Variants in CACNB4 observed in about 807,000 individuals in gnomAD.
CACNB4 encodes calcium voltage-gated channel auxiliary subunit beta 4, also known as voltage-dependent L-type calcium channel subunit beta-4.
In CACNB4, 32 loss-of-function variants were observed where a neutral mutation model predicts 71.2. That is an observed-to-expected ratio of 0.45 (90% CI 0.34 to 0.60). The LOEUF is 0.60. Ranked by LOEUF, CACNB4 falls within the 20% of genes least tolerant of loss-of-function variation. The pLI is 0.01. For synonymous variants in CACNB4, 231 were observed against 236.9 expected (o/e 0.97, Z 0.23); for missense variants, 464 against 647.9 (o/e 0.72, Z 3.08).
chr2:151,918,910 AG>A (rs1401446904), intron 2 of CACNB4, among the ~76,000 whole-genome samples: 1 of 152,238 alleles, frequency 6.6e-6, no homozygotes, highest in Non-Finnish European at 1.5e-5. Flanking sequence ...CCATTTGTAT[AG>A]TACAAATTTG....
intron 2 of CACNB4, among the ~76,000 whole-genome samples, chr2:151,965,472 T>C (rs748767740): frequency 6.6e-6 from 1 of 152,226 alleles, no homozygotes; most frequent in Non-Finnish European, 1.5e-5. Context: ...TGATGAATTA[T>C]TGGTTTTAGG....
At chr2:152,042,945 C>G (rs920518400) in intron 2 of CACNB4, among the ~76,000 whole-genome samples, 2 of 152,136 alleles carry the variant, frequency 1.3e-5, no homozygotes, top group African/African-American at 2.4e-5. Context: ...GACCTCTGCT[C>G]GGTCTCACAG....
In CACNB4 at chr2:151,910,764, T is replaced by C. The variant is rs369509991; in HGVS notation, c.148-27394A>G. On this transcript the variant is annotated intron_variant, in intron 2 of 13. Coordinates refer to ENST00000539935, the MANE Select transcript of CACNB4 (RefSeq NM_000726.5). ...CCAGCTTTGTTCTTTTTGCTTAAGA[T>C]TGTCTTGGCTATATGGGGTCTTCTT... 1.7e-4 allele frequency among the ~76,000 whole-genome samples: 26 copies of C among 152,336 alleles called. No homozygotes were observed. In the East Asian group the frequency reaches 4.2e-3, roughly 25 times the overall value.
At chr2:152,049,696 C>T (rs76380974) in intron 2 of CACNB4, among the ~76,000 whole-genome samples, 5 of 152,112 alleles carry the variant, frequency 3.3e-5, no homozygotes, top group East Asian at 1.9e-4. Flanking sequence ...CTATAATATC[C>T]GAATCTACAG....
chr2:151,952,857 G>A (rs1029821705), intron 2 of CACNB4, among the ~76,000 whole-genome samples: 22 of 152,198 alleles, frequency 1.4e-4, no homozygotes, highest in Admixed American at 3.9e-4. Context: ...GAAGAGGGGT[G>A]AATTTCAGGG....
At chr2:152,088,140 AACAC>A (rs55688548) in intron 2 of CACNB4, among the ~76,000 whole-genome samples, 29 of 136,936 alleles carry the variant, frequency 2.1e-4, no homozygotes, top group African/African-American at 8.1e-4. Flanking sequence ...TTCCCCACTT[AACAC>A]ACACACACAC....
intron 2 of CACNB4, among the ~76,000 whole-genome samples, chr2:151,948,895 A>G (rs10497091): frequency 0.23 from 34,594 of 151,986 alleles, 4,056 homozygotes; most frequent in Middle Eastern, 0.42. Context: ...GTTTAATGTA[A>G]TAATTATGAG....
chr2:152,005,329 T>C (rs915342946), intron 2 of CACNB4, among the ~76,000 whole-genome samples: 1 of 152,194 alleles, frequency 6.6e-6, no homozygotes, highest in African/African-American at 2.4e-5. Context: ...CATCAGGGAA[T>C]ACTAGGCAGT....
chr2:151,918,476 G>A (rs2099858109), intron 2 of CACNB4, among the ~76,000 whole-genome samples: 1 of 152,008 alleles, frequency 6.6e-6, no homozygotes, highest in African/African-American at 2.4e-5. Context: ...CTAAACAAAT[G>A]AACAAAAAAA....
At chr2:152,035,625 C>T (rs1446655653) in intron 2 of CACNB4, among the ~76,000 whole-genome samples, 1 of 67,960 alleles carries the variant, frequency 1.5e-5, no homozygotes, top group African/African-American at 6.7e-5. Flanking sequence ...CTCTCCCTCC[C>T]TCTCCCTCTC....
intron 2 of CACNB4, among the ~76,000 whole-genome samples, chr2:152,083,263 T>C (rs903628824): frequency 2.6e-5 from 4 of 151,790 alleles, no homozygotes; most frequent in African/African-American, 7.3e-5. Flanking sequence ...CGTGTACACA[T>C]GTGTGTGTGT....
chr2:152,024,299 C>A (rs1222120746), intron 2 of CACNB4, among the ~76,000 whole-genome samples: 1 of 152,176 alleles, frequency 6.6e-6, no homozygotes, highest in Non-Finnish European at 1.5e-5. Flanking sequence ...TACCTCTGTG[C>A]CTGGGCAACA....
chr2:151,933,594 G>A (rs1217038675), intron 2 of CACNB4, among the ~76,000 whole-genome samples: 1 of 152,048 alleles, frequency 6.6e-6, no homozygotes. Context: ...CTGGGTCTGA[G>A]CAACATCAAG....
At chr2:151,966,341 G>A (rs1285229669) in intron 2 of CACNB4, among the ~76,000 whole-genome samples, 5 of 151,948 alleles carry the variant, frequency 3.3e-5, no homozygotes, top group Admixed American at 2.6e-4. Context: ...GTGTAATGGC[G>A]TGATCTTGGC....
intron 2 of CACNB4, among the ~76,000 whole-genome samples, chr2:152,071,954 C>T (rs762468699): frequency 1.3e-5 from 2 of 152,216 alleles, no homozygotes; most frequent in African/African-American, 4.8e-5. Context: ...ATTCATTCAT[C>T]CATTCATTCA....
At chr2:151,979,488 G>A (rs1289370041) in intron 2 of CACNB4, among the ~76,000 whole-genome samples, 3 of 150,404 alleles carry the variant, frequency 2.0e-5, no homozygotes, top group Non-Finnish European at 3.0e-5. Flanking sequence ...CAATCTCTTA[G>A]AAAACACATT....
chr2:152,094,226 C>T (rs997793063), intron 2 of CACNB4, among the ~76,000 whole-genome samples: 1 of 152,248 alleles, frequency 6.6e-6, no homozygotes, highest in South Asian at 2.1e-4. Flanking sequence ...AAGACTAAAC[C>T]CCCAGATCTC....
chr2:151,995,536 T>C (rs1681991994), intron 2 of CACNB4, among the ~76,000 whole-genome samples: 1 of 152,106 alleles, frequency 6.6e-6, no homozygotes, highest in South Asian at 2.1e-4. Context: ...TGAAACCCCG[T>C]CTCTACTAAA....
intron 2 of CACNB4, among the ~76,000 whole-genome samples, chr2:152,047,354 G>C (rs1685189129): frequency 6.6e-6 from 1 of 152,178 alleles, no homozygotes; most frequent in Non-Finnish European, 1.5e-5. Flanking sequence ...GGGGCCTAGA[G>C]AGAGTTATGC....
Sources: gnomAD v4.1 joint callset for allele counts (sites outside exome capture counted in the v4.1 genomes callset) on GRCh38, gnomAD v4.1.1 for gene constraint, MANE v1.5 for transcripts, NCBI Gene and HGNC (gene_info 2026-07-23, HGNC 2026-07-21) for gene names.